AHNAK: variants seen among roughly 807,000 people sequenced by gnomAD.
AHNAK encodes the protein AHNAK nucleoprotein, also known as neuroblast differentiation-associated protein AHNAK.
Under a neutral mutation model 37.8 loss-of-function variants are expected in AHNAK, and 23 were observed. That is an observed-to-expected ratio of 0.61 (90% confidence interval 0.44 to 0.86). The LOEUF (loss-of-function observed/expected upper bound fraction) is 0.86, where lower values mean the gene tolerates loss of function less well. Among genes scored for constraint, AHNAK ranks in the 40% least tolerant of loss-of-function variants. The pLI, the probability that AHNAK is intolerant of heterozygous loss-of-function variation, is 0.00. For missense variants in AHNAK, 7,411 were observed against 7,319.4 expected (o/e 1.01, Z -0.46); for synonymous variants, 2,481 against 2,636.3 (o/e 0.94, Z 1.80).
At position 62,516,587 on chromosome 11, in the gene AHNAK, C is replaced by T. The variant is rs1565221075; in HGVS notation, c.*157G>A. 2.0e-6 allele frequency: 3 copies of T among 1,470,504 alleles called. No individual in the cohort carries two copies. The highest frequency in any genetic ancestry group is 1.4e-5 in the African/African-American group (1 of 70,614). The allele number at this position is 1,470,504 out of a possible 1,614,324, so 91.1% of individuals were successfully genotyped here. On this transcript the variant is annotated 3_prime_UTR_variant, in exon 5 of 5. Coordinates refer to ENST00000378024, the MANE Select transcript of AHNAK (RefSeq NM_001620.3). ...CTGTATAGTTCCAGGAGCCTACAGG[C>T]GGTCGGTTTTTCAGCGCTTGCCACC...
At chr11:62,543,512 T>C (rs1312845788) in intron 1 of AHNAK, among the ~76,000 whole-genome samples, 1 of 152,216 alleles carries the variant, frequency 6.6e-6, no homozygotes, top group African/African-American at 2.4e-5. Flanking sequence ...TGCAATGCTA[T>C]CAGTGACCTA....
At chr11:62,478,503 T>G (rs1272607763) in intron 5 of AHNAK, among the ~76,000 whole-genome samples, 2 of 151,700 alleles carry the variant, frequency 1.3e-5, no homozygotes, top group African/African-American at 2.4e-5. Flanking sequence ...GAGGCCAAGG[T>G]TGGGGCTTGG....
chr11:62,528,851 A>C lies in AHNAK; in HGVS notation c.5566T>G (p.Ser1856Ala), dbSNP rs771119953. The change falls in exon 5 of 5, where the codon TCC becomes GCC. Residue 1856 changes from serine (S) to alanine (A), a missense_variant. By Grantham distance (99) the Ser-to-Ala change is moderately conservative (BLOSUM62 1). Coordinates refer to ENST00000378024, the MANE Select transcript of AHNAK (RefSeq NM_001620.3). ...AGGTGTAAGTCCACATCAGGCATGG[A>C]GATCTTGGGGGCCTTGAAGTGCATC... ...PEMHFKAPKISMPDVDLHLKG... is the reference protein window; with the variant it reads ...PEMHFKAPKIAMPDVDLHLKG... 1 of 1,613,264 alleles carries C rather than the reference A, an allele frequency of 6.2e-7. No homozygotes were observed. Among genetic ancestry groups the C allele is most frequent in the East Asian group, 2.2e-5 (1 of 44,814 alleles).
At chr11:62,491,954 C>CAA (rs1295980281) in intron 4 of AHNAK, 1 of 761,982 alleles carries the variant, frequency 1.3e-6, no homozygotes, top group African/African-American at 1.7e-5. Flanking sequence ...TACCACCCCC[C>CAA]AACACACCCC....
Position 62,518,953 on chromosome 11 carries a change from AT to A in AHNAK, c.15463del (p.Ile5155Ter). 6.2e-7 allele frequency: 1 copy of A among 1,614,058 alleles called. No homozygotes were observed. The highest frequency in any genetic ancestry group is 8.5e-7 in the Non-Finnish European group (1 of 1,179,998). ...TTTGGGGCCTTTCAGGTCACCCTCT[AT>A]TTTTGGCACTGAGATGTCCACATCT... is the stretch of plus-strand genomic sequence containing the variant. ...MPDVDISVPK[I>X]EGDLKGPKVQ... On this transcript the variant is annotated frameshift_variant, in exon 5 of 5. Transcript: ENST00000378024. LOFTEE classifies it low-confidence loss of function (END_TRUNC).
chr11:62,522,484 T>C lies in AHNAK; in HGVS notation c.11933A>G (p.Glu3978Gly). Residue 3978 changes from glutamate (E) to glycine (G), a missense_variant, in exon 5 of 5, where the codon GAA becomes GGA. By Grantham distance (98) the Glu-to-Gly change is moderately conservative. Transcript: ENST00000378024. ...GCCCTTCAGTTTCGCATCTGGACCT[T>C]CAATATTCACATCTGGAACATCAAC... The part of the protein sequence containing the change: ...VDVDVPDVNI[E>G]GPDAKLKGPK... 6.2e-7 allele frequency: 1 copy of C among 1,613,340 alleles called. No individual in the cohort carries two copies. Among genetic ancestry groups the C allele is most frequent in the South Asian group, 1.1e-5 (1 of 91,030 alleles).
chr11:62,454,318 C>A (rs948863733), intron 5 of AHNAK, among the ~76,000 whole-genome samples: 4 of 149,928 alleles, frequency 2.7e-5, no homozygotes, highest in African/African-American at 9.8e-5. Context: ...GAGGCCGAGG[C>A]AGGAGAATGG....
intron 1 of AHNAK, among the ~76,000 whole-genome samples, chr11:62,541,205 G>A (rs1274522368): frequency 3.3e-5 from 5 of 152,208 alleles, no homozygotes; most frequent in Non-Finnish European, 7.3e-5. Context: ...CCAAACCTGA[G>A]GACAAGATAC....
At chr11:62,486,188 G>A (rs1939389421) in intron 5 of AHNAK, among the ~76,000 whole-genome samples, 1 of 151,850 alleles carries the variant, frequency 6.6e-6, no homozygotes, top group Non-Finnish European at 1.5e-5. Context: ...CAGTCAGAAA[G>A]TAGCAGCCAG....
chr11:62,443,835 A>T (rs1464116101), intron 5 of AHNAK, among the ~76,000 whole-genome samples: 1 of 152,224 alleles, frequency 6.6e-6, no homozygotes, highest in Non-Finnish European at 1.5e-5. Flanking sequence ...TAGAAGGCCA[A>T]GTATGAAGAC....
Position 62,521,294 on chromosome 11 carries a change from T to G in AHNAK, c.13123A>C (p.Met4375Leu), listed in dbSNP as rs975000384. Residue 4375 changes from methionine to leucine, a missense_variant, in exon 5 of 5, where the codon ATG becomes CTG. Physicochemically the swap from Met to Leu is conservative, Grantham distance 15. Coordinates refer to ENST00000378024, the MANE Select transcript of AHNAK (RefSeq NM_001620.3). ...DAKLKGPKFK[M>L]PEMNIKAPKI... The stretch of plus-strand genomic sequence containing the variant: ...GGGGCCTTGATGTTCATCTCTGGCA[T>G]CTTGAACTTTGGACCCTTGAGTTTT... The G allele has an allele frequency of 1.9e-6, 3 of 1,613,716 alleles. No homozygotes were observed. The highest frequency in any genetic ancestry group is 1.7e-5 in the Admixed American group (1 of 59,954).
downstream of AHNAK, among the ~76,000 whole-genome samples, chr11:62,515,190 T>G (rs754839120): frequency 2.0e-5 from 3 of 152,070 alleles, no homozygotes; most frequent in Non-Finnish European, 1.5e-5. Flanking sequence ...AGCCCTAAAA[T>G]GGACTAGAAA....
chr11:62,533,489 T>G lies in AHNAK; in HGVS notation c.928A>C (p.Lys310Gln). The change falls in exon 5 of 5, where the codon AAA becomes CAA. Residue 310 changes from lysine (K) to glutamine (Q), a missense_variant. Transcript: ENST00000378024. ...DHGKIKFPTM[K>Q]VPKFGVSTGR... ...GTTGAGACACCAAATTTCGGCACTTTCATGGTGGGAAATTTAATTTTGCCA... is the reference window on the plus strand; with the variant it reads ...GTTGAGACACCAAATTTCGGCACTTGCATGGTGGGAAATTTAATTTTGCCA... The G allele has an allele frequency of 6.2e-7, 1 of 1,614,178 alleles. No individual in the cohort carries two copies. Among genetic ancestry groups the G allele is most frequent in the East Asian group, 2.2e-5 (1 of 44,888 alleles).
chr11:62,520,873 T>C lies in AHNAK; in HGVS notation c.13544A>G (p.Lys4515Arg). 3 of 1,614,220 alleles carry C rather than the reference T, an allele frequency of 1.9e-6. No individual in the cohort carries two copies. The highest frequency in any genetic ancestry group is 1.1e-5 in the South Asian group (1 of 91,082). ...PKFKMPDVHFKSPQISMSDID... is the reference protein window; with the variant it reads ...PKFKMPDVHFRSPQISMSDID... ...GTCACTCATGGAGATTTGTGGGCTT[T>C]TGAAATGTACATCAGGCATCTTAAA... The change falls in exon 5 of 5, where the codon AAA becomes AGA. Residue 4515 changes from lysine to arginine, a missense_variant. By Grantham distance (26) the Lys-to-Arg change is conservative. Transcript: ENST00000378024.
Position 62,534,939 on chromosome 11 carries a change from T to C in AHNAK, c.342+64A>G. ...CGGAGGCACATGGAAGGCTCAGGAG[T>C]GGGGTCAGCAGGCCGGCATGGCCGG... On this transcript the variant is annotated intron_variant, in intron 4 of 4. Transcript: ENST00000378024. The C allele has an allele frequency of 3.3e-6, 5 of 1,532,770 alleles. No individual in the cohort carries two copies. In the Admixed American group the frequency reaches 5.3e-5, roughly 16 times the overall value. 94.9% of individuals were successfully genotyped at this position (1,532,770 alleles called of 1,614,324 possible). A position where few individuals can be genotyped will look rare whatever the true frequency, so the allele number is the denominator to read the frequency against.
chr11:62,463,772 GT>G (rs1345257569), intron 5 of AHNAK, among the ~76,000 whole-genome samples: 1 of 151,456 alleles, frequency 6.6e-6, no homozygotes, highest in Non-Finnish European at 1.5e-5. Flanking sequence ...TTTTGTTTTT[GT>G]TTTTTTGGGA....
intron 5 of AHNAK, among the ~76,000 whole-genome samples, chr11:62,445,606 C>T (rs936858019): frequency 2.6e-5 from 4 of 152,172 alleles, no homozygotes; most frequent in Admixed American, 2.0e-4. Flanking sequence ...GTAATCCCAG[C>T]ACTTTGGGAG....
In AHNAK at chr11:62,532,315, T is replaced by G; in HGVS notation, c.2102A>C (p.Asp701Ala). 6.2e-7 allele frequency: 1 copy of G among 1,614,204 alleles called. No individual in the cohort carries two copies. The highest frequency in any genetic ancestry group is 1.1e-5 in the South Asian group (1 of 91,072). Residue 701 changes from aspartate (D) to alanine (A), a missense_variant, in exon 5 of 5, where the codon GAT (aspartate) becomes GCT (alanine). Transcript: ENST00000378024. ...SVKTPKISMP[D>A]VDLHVKGTKV... The stretch of plus-strand genomic sequence containing the variant: ...TGTACCTTTCACGTGCAAATCTACA[T>G]CAGGCATGGAGATCTTTGGTGTCTT...
intron 4 of AHNAK, among the ~76,000 whole-genome samples, chr11:62,504,766 A>G (rs1939778418): frequency 6.6e-6 from 1 of 150,748 alleles, no homozygotes; most frequent in Admixed American, 6.6e-5. Flanking sequence ...CCCCTGCCCC[A>G]CCCCCTACCC....
Sources: gnomAD v4.1 joint callset for allele counts (sites outside exome capture counted in the v4.1 genomes callset) on GRCh38, gnomAD v4.1.1 for gene constraint, MANE v1.5 for transcripts, NCBI Gene and HGNC (gene_info 2026-07-23, HGNC 2026-07-21) for gene names.